The following ZNF385D variants were observed in gnomAD, a reference collection of about 807,000 sequenced individuals.
ZNF385D encodes the protein zinc finger protein 659.
Under a neutral mutation model 35.8 loss-of-function variants are expected in ZNF385D, and 15 were observed. That is an observed-to-expected ratio of 0.42 (90% confidence interval 0.28 to 0.64). The LOEUF is 0.64. Among genes scored for constraint, ZNF385D ranks in the 30% least tolerant of loss-of-function variants. The pLI is 0.23. For synonymous variants in ZNF385D, 212 were observed against 186.8 expected, an observed-to-expected ratio of 1.13 and a Z score of -1.10; for missense variants, 474 against 494.6, an observed-to-expected ratio of 0.96 and a Z score of 0.39.
chr3:22,021,876 A>C (rs912273066), intron 3 of ZNF385D, among the ~76,000 whole-genome samples: 1 of 152,038 alleles, frequency 6.6e-6, no homozygotes, highest in African/African-American at 2.4e-5. Flanking sequence ...TGCGGCCTGC[A>C]CTTGGAATGT....
chr3:22,068,714 A>G (rs1205766592), intron 3 of ZNF385D, among the ~76,000 whole-genome samples: 1 of 152,132 alleles, frequency 6.6e-6, no homozygotes, highest in Non-Finnish European at 1.5e-5. Flanking sequence ...CTTTTTCTAC[A>G]TACTCCTAGT....
chr3:21,527,813 C>G (rs187113629), intron 3 of ZNF385D, among the ~76,000 whole-genome samples: 2 of 152,008 alleles, frequency 1.3e-5, no homozygotes, highest in Non-Finnish European at 2.9e-5. Flanking sequence ...TATTTGTCAT[C>G]GCAGCTTTGT....
chr3:21,666,846 G>A (rs556346688), intron 1 of ZNF385D, among the ~76,000 whole-genome samples: 7 of 152,290 alleles, frequency 4.6e-5, no homozygotes, highest in Non-Finnish European at 8.8e-5. Flanking sequence ...GGAAGGTCAA[G>A]GCGGATGGAT....
intron 2 of ZNF385D, among the ~76,000 whole-genome samples, chr3:22,259,835 G>GA (rs34864158): frequency 0.13 from 18,527 of 144,468 alleles, 1,383 homozygotes; most frequent in African/African-American, 0.2. Context: ...ACATAGTGAG[G>GA]AAAAAAAAAA....
rs192496434 is a variant in ZNF385D, at chr3:22,288,585, G to T, written c.106+83865C>A. ...TCTTCAGTACTATGATTTCTGTTTG[G>T]TACTTTTTATAGTTTGTCTCTTTGT... On this transcript the variant is annotated intron_variant, in intron 2 of 5. Transcript: ENST00000494108. Among the ~76,000 whole-genome samples the T allele has an allele frequency of 2.4e-3, 367 of 151,808 alleles. 2 individuals are homozygous for T. Among genetic ancestry groups the T allele is most frequent in the African/African-American group, 8.3e-3 (345 of 41,424 alleles).
intron 3 of ZNF385D, among the ~76,000 whole-genome samples, chr3:21,861,124 G>T (rs1362426115): frequency 6.6e-6 from 1 of 152,106 alleles, no homozygotes; most frequent in Non-Finnish European, 1.5e-5. Context: ...AAGCCAATGA[G>T]GTTGGCCAAC....
chr3:21,973,886 A>G (rs1178375874), intron 3 of ZNF385D, among the ~76,000 whole-genome samples: 1 of 152,034 alleles, frequency 6.6e-6, no homozygotes, highest in Non-Finnish European at 1.5e-5. Flanking sequence ...GATCTCTACA[A>G]TGAAAACTAT....
chr3:21,679,668 A>G (rs2066838738), intron 1 of ZNF385D, among the ~76,000 whole-genome samples: 1 of 152,086 alleles, frequency 6.6e-6, no homozygotes, highest in Non-Finnish European at 1.5e-5. Flanking sequence ...AACAATATTG[A>G]AAAGAGAGAG....
chr3:21,795,680 G>A (rs1308560648), intron 3 of ZNF385D, among the ~76,000 whole-genome samples: 1 of 152,278 alleles, frequency 6.6e-6, no homozygotes, highest in Non-Finnish European at 1.5e-5. Flanking sequence ...AATGTCATAG[G>A]TGCCTAACAC....
chr3:21,457,668 C>A (rs1409421250), intron 4 of ZNF385D, among the ~76,000 whole-genome samples: 1 of 152,046 alleles, frequency 6.6e-6, no homozygotes, highest in Non-Finnish European at 1.5e-5. Flanking sequence ...ATAATTCTTT[C>A]AATGACGAAT....
At chr3:21,521,590 CTAAA>C (rs60443087) in intron 3 of ZNF385D, among the ~76,000 whole-genome samples, 8,598 of 152,034 alleles carry the variant, frequency 0.057, 795 homozygotes, top group African/African-American at 0.2. Flanking sequence ...CCCAACTCTG[CTAAA>C]AAATTTTTTT....
At chr3:21,567,334 A>G (rs2063183892) in intron 2 of ZNF385D, among the ~76,000 whole-genome samples, 1 of 152,170 alleles carries the variant, frequency 6.6e-6, no homozygotes, top group Non-Finnish European at 1.5e-5. Context: ...TCTTCTCTAC[A>G]TATACTGCCA....
At chr3:22,005,409 G>C (rs1329456122) in intron 3 of ZNF385D, among the ~76,000 whole-genome samples, 1 of 151,738 alleles carries the variant, frequency 6.6e-6, no homozygotes, top group African/African-American at 2.4e-5. Context: ...ATAGAATAAG[G>C]GAGATCTATT....
intron 3 of ZNF385D, among the ~76,000 whole-genome samples, chr3:22,015,535 C>T (rs1415294640): frequency 3.3e-5 from 5 of 152,096 alleles, no homozygotes; most frequent in African/African-American, 1.2e-4. Context: ...GACTCTCAAT[C>T]CCATTTCTGT....
chr3:21,698,345 A>C lies in ZNF385D; in HGVS notation c.23-33317T>G, dbSNP rs1039872071. Among the ~76,000 whole-genome samples, 39 of 152,142 alleles carry C rather than the reference A, an allele frequency of 2.6e-4. 1 individual carries two copies. The highest frequency in any genetic ancestry group is 1.0e-4 in the Non-Finnish European group (7 of 68,028). ...ATTATCCAAAGTGCAATGACTCAGAAACAGAAAATTAAATACAACATGTTC... is the reference window on the plus strand; with the variant it reads ...ATTATCCAAAGTGCAATGACTCAGACACAGAAAATTAAATACAACATGTTC... On this transcript the variant is annotated intron_variant, in intron 1 of 7. Coordinates refer to ENST00000281523, the MANE Select transcript of ZNF385D (RefSeq NM_024697.3).
chr3:22,129,085 G>C (rs1703619550), intron 3 of ZNF385D, among the ~76,000 whole-genome samples: 1 of 152,160 alleles, frequency 6.6e-6, no homozygotes, highest in Admixed American at 6.6e-5. Context: ...TTGCAGACTT[G>C]TATATGTACC....
intron 3 of ZNF385D, among the ~76,000 whole-genome samples, chr3:21,923,671 C>T (rs1700586803): frequency 6.6e-6 from 1 of 150,434 alleles, no homozygotes; most frequent in South Asian, 2.1e-4. Flanking sequence ...GAATACTATG[C>T]AGCCATAAAA....
intron 2 of ZNF385D, among the ~76,000 whole-genome samples, chr3:21,659,999 ACTC>A (rs1051543494): frequency 3.3e-5 from 5 of 151,710 alleles, no homozygotes; most frequent in African/African-American, 1.2e-4. Flanking sequence ...AATGGATAAA[ACTC>A]CTCGACTTGT....
At chr3:22,117,419 G>A (rs927473710) in intron 3 of ZNF385D, among the ~76,000 whole-genome samples, 8 of 151,952 alleles carry the variant, frequency 5.3e-5, no homozygotes, top group African/African-American at 1.7e-4. Context: ...ATGGTTACAC[G>A]ACTTATGATT....
Sources: allele counts gnomAD v4.1 joint callset (sites outside exome capture counted in the v4.1 genomes callset), GRCh38; gene constraint gnomAD v4.1.1; transcripts MANE v1.5; gene names NCBI Gene and HGNC (gene_info 2026-07-23, HGNC 2026-07-21).